ACOXL: variants seen among roughly 807,000 people sequenced by gnomAD.
The protein encoded by ACOXL is acyl-coenzyme A oxidase-like protein.
Under a neutral mutation model 71.9 loss-of-function variants are expected in ACOXL, and 70 were observed. The observed-to-expected ratio is 0.97, with a 90% CI of 0.80 to 1.19. ACOXL has a LOEUF of 1.19. ACOXL is among the 50% of genes most tolerant of loss of function. The probability of loss-of-function intolerance (pLI) is 0.00; values close to 1 mark genes in which losing one functional copy is unlikely to be tolerated. For synonymous variants in ACOXL, 253 were observed against 281.6 expected (o/e 0.90, Z 1.02); for missense variants, 703 against 736.3 (o/e 0.95, Z 0.52).
intron 9 of ACOXL, among the ~76,000 whole-genome samples, chr2:110,838,740 C>T (rs980381278): frequency 6.6e-6 from 1 of 152,196 alleles, no homozygotes; most frequent in East Asian, 1.9e-4. Flanking sequence ...CTCATTGGAC[C>T]CAGTGTATTC....
At chr2:111,061,569 T>C (rs1415185501) in intron 16 of ACOXL, among the ~76,000 whole-genome samples, 3 of 152,250 alleles carry the variant, frequency 2.0e-5, no homozygotes, top group Non-Finnish European at 4.4e-5. Context: ...AAGAAAGAAT[T>C]CGGTAAACAA....
intron 10 of ACOXL, among the ~76,000 whole-genome samples, chr2:110,903,191 T>C (rs569876903): frequency 1.3e-5 from 2 of 152,342 alleles, no homozygotes; most frequent in South Asian, 4.1e-4. Flanking sequence ...AGTAGGTCAC[T>C]GGCCTCCTTT....
intron 14 of ACOXL, among the ~76,000 whole-genome samples, chr2:111,024,558 A>G (rs2064927527): frequency 6.6e-6 from 1 of 152,202 alleles, no homozygotes; most frequent in South Asian, 2.1e-4. Context: ...CAGAACTGCG[A>G]GAGAATACAT....
chr2:110,981,847 A>G (rs1032291221), intron 12 of ACOXL, among the ~76,000 whole-genome samples: 1 of 152,062 alleles, frequency 6.6e-6, no homozygotes, highest in Non-Finnish European at 1.5e-5. Flanking sequence ...GCTGTATCTT[A>G]TTTATCTTTT....
At chr2:110,735,867 G>A (rs144608599) in intron 1 of ACOXL, among the ~76,000 whole-genome samples, 12 of 152,282 alleles carry the variant, frequency 7.9e-5, no homozygotes, top group Admixed American at 2.0e-4. Flanking sequence ...TTGTTTATTG[G>A]TGAAGGGAAG....
intron 9 of ACOXL, among the ~76,000 whole-genome samples, chr2:110,811,473 G>A (rs184489637): frequency 3.9e-5 from 6 of 152,294 alleles, no homozygotes; most frequent in Admixed American, 2.0e-4. Context: ...TCCTGAAAAT[G>A]TGTGGTGCTC....
chr2:111,014,202 A>G (rs1385693784), intron 14 of ACOXL, among the ~76,000 whole-genome samples: 1 of 152,208 alleles, frequency 6.6e-6, no homozygotes, highest in African/African-American at 2.4e-5. Flanking sequence ...ACTTTTATTT[A>G]ACATTGTATT....
intron 1 of ACOXL, among the ~76,000 whole-genome samples, chr2:110,754,031 CGTGTGTGT>C (rs34282367): frequency 8.5e-5 from 12 of 141,256 alleles, no homozygotes; most frequent in South Asian, 6.8e-4. Flanking sequence ...CACATGCACA[CGTGTGTGT>C]GTGTGTGTGT....
At chr2:110,875,850 T>C (rs78148294) in intron 10 of ACOXL, among the ~76,000 whole-genome samples, 214 of 152,094 alleles carry the variant, frequency 1.4e-3, no homozygotes, top group African/African-American at 5.0e-3. Context: ...ACCTCTACAA[T>C]GGATGAGGAG....
chr2:110,737,959 C>A (rs1232174640), intron 1 of ACOXL, among the ~76,000 whole-genome samples: 1 of 152,204 alleles, frequency 6.6e-6, no homozygotes, highest in Non-Finnish European at 1.5e-5. Flanking sequence ...TCCCCTTGAT[C>A]TTGGGTAGTT....
intron 15 of ACOXL, among the ~76,000 whole-genome samples, chr2:111,037,488 T>C (rs1407090305): frequency 6.6e-6 from 1 of 152,180 alleles, no homozygotes; most frequent in Non-Finnish European, 1.5e-5. Context: ...TTAGTGGCTG[T>C]ACTTGACCTA....
chr2:110,994,304 T>TA (rs2063299664), intron 13 of ACOXL, among the ~76,000 whole-genome samples: 2 of 152,228 alleles, frequency 1.3e-5, no homozygotes, highest in African/African-American at 4.8e-5. Flanking sequence ...AATGTCCCGG[T>TA]AATTGGCATG....
intron 12 of ACOXL, among the ~76,000 whole-genome samples, chr2:110,944,928 T>C (rs2061040140): frequency 1.3e-5 from 2 of 152,212 alleles, no homozygotes; most frequent in African/African-American, 4.8e-5. Flanking sequence ...CCAAACTGCT[T>C]TTCACAGTGG....
At chr2:111,045,024 A>T (rs1229996050) in intron 15 of ACOXL, among the ~76,000 whole-genome samples, 1 of 152,168 alleles carries the variant, frequency 6.6e-6, no homozygotes, top group African/African-American at 2.4e-5. Context: ...AGGAGAACTT[A>T]ACTCTACTCA....
chr2:111,098,032 T>A (rs2068905672), intron 17 of ACOXL, among the ~76,000 whole-genome samples: 1 of 152,204 alleles, frequency 6.6e-6, no homozygotes, highest in African/African-American at 2.4e-5. Context: ...ACCAAGTGAT[T>A]AAGGTACATA....
At chr2:110,757,024 AG>A (rs1183328461) in intron 1 of ACOXL, among the ~76,000 whole-genome samples, 2 of 152,222 alleles carry the variant, frequency 1.3e-5, no homozygotes, top group Middle Eastern at 3.4e-3. Context: ...AGCATCCATT[AG>A]CTATTCTACC....
rs111941035 is a variant in ACOXL, at chr2:110,777,280, G to C, written c.76-7452G>C. Among the ~76,000 whole-genome samples the C allele has an allele frequency of 2.7e-3, 414 of 152,316 alleles. 3 individuals are homozygous for C. The highest frequency in any genetic ancestry group is 9.6e-3 in the African/African-American group (399 of 41,568). On this transcript the variant is annotated intron_variant, in intron 2 of 17. Coordinates refer to ENST00000439055, the MANE Select transcript of ACOXL (RefSeq NM_001142807.4). ...AGGGGAGGCCCAAGGGTGGAGCCTG[G>C]TGGGAAGGACCAGAAAGGAGACTGG...
At chr2:110,874,190 C>T (rs181548010) in intron 10 of ACOXL, among the ~76,000 whole-genome samples, 254 of 152,326 alleles carry the variant, frequency 1.7e-3, no homozygotes, top group Non-Finnish European at 2.7e-3. Context: ...CAGGGGACAA[C>T]GGAACCGAAC....
chr2:110,752,020 CTTCT>C (rs1259154989), intron 1 of ACOXL, among the ~76,000 whole-genome samples: 1 of 149,522 alleles, frequency 6.7e-6, no homozygotes, highest in African/African-American at 2.5e-5. Flanking sequence ...TTTCTTTCTT[CTTCT>C]TTTTTTTTTT....
Sources: allele counts gnomAD v4.1 joint callset (sites outside exome capture counted in the v4.1 genomes callset), GRCh38; gene constraint gnomAD v4.1.1; transcripts MANE v1.5; gene names NCBI Gene and HGNC (gene_info 2026-07-23, HGNC 2026-07-21).